The following USP13 variants were observed in gnomAD, a reference collection of about 807,000 sequenced individuals.
USP13 encodes the protein ubiquitin carboxyl-terminal hydrolase 13.
Under a neutral mutation model 107.8 loss-of-function variants are expected in USP13, and 68 were observed. The ratio of observed to expected loss-of-function variants is 0.63; its 90% CI spans 0.52 to 0.77. The LOEUF (loss-of-function observed/expected upper bound fraction) is 0.77, where lower values mean the gene tolerates loss of function less well. Among genes scored for constraint, USP13 ranks in the 30% least tolerant of loss-of-function variants. USP13 has a pLI of 0.00. For missense variants in USP13, 945 were observed against 1,093.3 expected (o/e 0.86, Z 1.91); for synonymous variants, 377 against 389.5 (o/e 0.97, Z 0.38).
At chr3:179,722,884 G>T (rs1713375984) in intron 8 of USP13, among the ~76,000 whole-genome samples, 1 of 152,180 alleles carries the variant, frequency 6.6e-6, no homozygotes. Context: ...GACTGTGCTT[G>T]TACAAGACTG....
At chr3:179,654,170 C>T (rs1231633035) in intron 1 of USP13, among the ~76,000 whole-genome samples, 7 of 148,976 alleles carry the variant, frequency 4.7e-5, no homozygotes, top group Non-Finnish European at 8.9e-5. Context: ...GCCGAGATCG[C>T]GCCACTGCCC....
intron 13 of USP13, among the ~76,000 whole-genome samples, chr3:179,746,373 C>T (rs1330247528): frequency 6.6e-6 from 1 of 151,674 alleles, no homozygotes; most frequent in African/African-American, 2.4e-5. Flanking sequence ...CCTGTTTCAG[C>T]CTCCTGAGTA....
intron 1 of USP13, among the ~76,000 whole-genome samples, chr3:179,662,254 ACT>A (rs1238539196): frequency 1.3e-5 from 2 of 151,754 alleles, no homozygotes; most frequent in South Asian, 2.1e-4. Context: ...TTAGAGAATC[ACT>A]CTCTAGTTCT....
chr3:179,774,577 C>T (rs1319418285), intron 19 of USP13, among the ~76,000 whole-genome samples: 1 of 152,142 alleles, frequency 6.6e-6, no homozygotes, highest in Non-Finnish European at 1.5e-5. Context: ...TGTGGTCTCG[C>T]TGGCCTCAGG....
rs568768878 is a variant in USP13, at chr3:179,734,940, C to T, written c.1254+4231C>T. ...ATTCGGCTCAGGGGAATATGGTGGA[C>T]TGTGTCTGGCTGTCTGTGTGGTGCA... On this transcript the variant is annotated intron_variant, in intron 10 of 20. Transcript: ENST00000263966. Among the ~76,000 whole-genome samples, 6 of 152,262 alleles carry T rather than the reference C, an allele frequency of 3.9e-5. No homozygotes were observed. The South Asian group carries it at 1.2e-3, about 32-fold the overall frequency.
intron 1 of USP13, among the ~76,000 whole-genome samples, chr3:179,658,417 G>A (rs1277040467): frequency 1.3e-5 from 2 of 150,822 alleles, no homozygotes; most frequent in Non-Finnish European, 2.9e-5. Context: ...CTCATAGTTG[G>A]CTCTCTTGTG....
At chr3:179,744,811 G>A (rs990529223) in intron 12 of USP13, among the ~76,000 whole-genome samples, 4 of 152,056 alleles carry the variant, frequency 2.6e-5, no homozygotes, top group East Asian at 1.9e-4. Context: ...CCTGTCAGTC[G>A]CAAAGGGGAG....
intron 2 of USP13, among the ~76,000 whole-genome samples, chr3:179,686,206 T>C (rs1482580539): frequency 1.3e-5 from 2 of 152,314 alleles, no homozygotes; most frequent in East Asian, 3.9e-4. Context: ...CTTGGTATCC[T>C]CATCATACTC....
intron 8 of USP13, among the ~76,000 whole-genome samples, chr3:179,727,707 A>G (rs536128586): frequency 9.4e-5 from 7 of 74,198 alleles, no homozygotes; most frequent in Admixed American, 1.5e-4. Flanking sequence ...GGGTGGTGCC[A>G]GGCAGAGGGG....
At chr3:179,665,666 A>G (rs1455150296) in intron 1 of USP13, among the ~76,000 whole-genome samples, 1 of 150,496 alleles carries the variant, frequency 6.6e-6, no homozygotes, top group Non-Finnish European at 1.5e-5. Context: ...GCTCACTGCC[A>G]CCTCCGCCTC....
chr3:179,694,927 C>T (rs376074255), intron 3 of USP13, among the ~76,000 whole-genome samples: 3 of 152,102 alleles, frequency 2.0e-5, no homozygotes, highest in South Asian at 2.1e-4. Context: ...AATCAGTTTA[C>T]GCCTCTCTGG....
chr3:179,710,987 T>A (rs971760091), intron 6 of USP13, among the ~76,000 whole-genome samples: 5 of 151,930 alleles, frequency 3.3e-5, no homozygotes, highest in African/African-American at 1.2e-4. Flanking sequence ...AGTCAGTGAG[T>A]GAGTGGGGAG....
At chr3:179,709,820 T>C (rs1376628652) in intron 6 of USP13, among the ~76,000 whole-genome samples, 1 of 152,246 alleles carries the variant, frequency 6.6e-6, no homozygotes, top group Non-Finnish European at 1.5e-5. Context: ...TGAGGTAAGA[T>C]GTTTTTAGGG....
At chr3:179,674,074 G>A (rs1456929297) in intron 1 of USP13, among the ~76,000 whole-genome samples, 2 of 152,080 alleles carry the variant, frequency 1.3e-5, no homozygotes, top group African/African-American at 2.4e-5. Flanking sequence ...TGTATTTTTA[G>A]TAGAGGCGGG....
chr3:179,696,668 A>G (rs1013608750), intron 3 of USP13, among the ~76,000 whole-genome samples: 11 of 152,116 alleles, frequency 7.2e-5, no homozygotes, highest in African/African-American at 2.7e-4. Flanking sequence ...TGTGAAAAAA[A>G]TTGCTGGGAT....
chr3:179,726,426 C>T (rs1007728070), intron 8 of USP13, among the ~76,000 whole-genome samples: 12 of 151,902 alleles, frequency 7.9e-5, no homozygotes, highest in East Asian at 3.9e-4. Flanking sequence ...TCAAAGACAA[C>T]AGGGAAAGAA....
At chr3:179,714,181 T>C (rs750423268) in intron 6 of USP13, among the ~76,000 whole-genome samples, 12 of 152,218 alleles carry the variant, frequency 7.9e-5, no homozygotes, top group Non-Finnish European at 1.6e-4. Context: ...CCCGAGAAGA[T>C]GCTTTAGTGT....
intron 6 of USP13, among the ~76,000 whole-genome samples, chr3:179,712,332 A>G (rs773537473): frequency 1.3e-5 from 2 of 152,208 alleles, no homozygotes; most frequent in Non-Finnish European, 2.9e-5. Flanking sequence ...TCAGTGTAAC[A>G]TATGTAGAAA....
intron 5 of USP13, 147 bp downstream of exon 5, chr3:179,707,223 G>T: frequency 1.7e-6 from 2 of 1,160,746 alleles, no homozygotes; most frequent in Non-Finnish European, 2.4e-6. Flanking sequence ...CTCTAAAATT[G>T]TCTGTAGCTT....
Sources: gnomAD v4.1 joint callset for allele counts (sites outside exome capture counted in the v4.1 genomes callset) on GRCh38, gnomAD v4.1.1 for gene constraint, MANE v1.5 for transcripts, NCBI Gene and HGNC (gene_info 2026-07-23, HGNC 2026-07-21) for gene names.